Variants in EPHA3 observed in about 807,000 individuals in gnomAD.
EPHA3 encodes ephrin type-A receptor 3.
Under a neutral mutation model 107.1 loss-of-function variants are expected in EPHA3, and 42 were observed. That is an observed-to-expected ratio of 0.39 (90% CI 0.31 to 0.51). EPHA3 has a LOEUF of 0.51. Among genes scored for constraint, EPHA3 ranks in the 20% least tolerant of loss-of-function variants. The pLI is 0.78. For synonymous variants in EPHA3, 461 were observed against 424.8 expected (o/e 1.09, Z -1.05); for missense variants, 1,183 against 1,211.2 (o/e 0.98, Z 0.35).
intron 1 of EPHA3, among the ~76,000 whole-genome samples, chr3:89,109,947 G>A (rs1433086902): frequency 1.3e-5 from 2 of 151,944 alleles, no homozygotes; most frequent in African/African-American, 4.8e-5. Context: ...TAATACTTGA[G>A]TGAGATTTTA....
At chr3:89,280,498 T>G (rs1348329179) in intron 3 of EPHA3, among the ~76,000 whole-genome samples, 1 of 152,172 alleles carries the variant, frequency 6.6e-6, no homozygotes, top group Non-Finnish European at 1.5e-5. Flanking sequence ...ACAAGGGATG[T>G]TTCTATTCTC....
chr3:89,304,753 G>T (rs572465319), intron 3 of EPHA3, among the ~76,000 whole-genome samples: 3 of 152,126 alleles, frequency 2.0e-5, no homozygotes, highest in South Asian at 2.1e-4. Context: ...ATGATAGTTT[G>T]TCTATTTCCT....
chr3:89,415,505 T>A (rs1004817470), intron 10 of EPHA3, among the ~76,000 whole-genome samples: 1 of 140,364 alleles, frequency 7.1e-6, no homozygotes, highest in Non-Finnish European at 1.5e-5. Flanking sequence ...CTAATTCTCT[T>A]AAATTTCTGT....
intron 5 of EPHA3, among the ~76,000 whole-genome samples, chr3:89,346,764 G>A (rs1344933204): frequency 4.3e-4 from 64 of 147,348 alleles, no homozygotes; most frequent in African/African-American, 1.5e-3. Context: ...TAACGTTTAA[G>A]TCTTTAATCC....
chr3:89,358,668 G>T lies in EPHA3; in HGVS notation c.1306+16578G>T, dbSNP rs1331203928. The stretch of plus-strand genomic sequence containing the variant: ...ATGAAGCCCCCCAGTGAAAGAGATT[G>T]GTCTTGAATTCACAGATTATATGAC... On this transcript the variant is annotated intron_variant, in intron 5 of 16. Transcript: ENST00000336596. Among the ~76,000 whole-genome samples the T allele has an allele frequency of 5.3e-5, 8 of 151,004 alleles. No homozygotes were observed. The Admixed American group carries it at 5.3e-4, about 10-fold the overall frequency.
At chr3:89,122,012 C>A (rs964204084) in intron 1 of EPHA3, among the ~76,000 whole-genome samples, 1 of 151,548 alleles carries the variant, frequency 6.6e-6, no homozygotes. Flanking sequence ...TATGTTTGAC[C>A]GGAGAACTAC....
At chr3:89,419,532 C>T in intron 11 of EPHA3, 142 bp downstream of exon 11, 1 of 627,080 alleles carries the variant, frequency 1.6e-6, no homozygotes, top group Non-Finnish European at 2.6e-6. Context: ...AATAGCATGC[C>T]TTTCTTTGAC....
rs745845033 is a variant in EPHA3 at position 89,210,288 on chromosome 3, T to C, written c.582T>C (p.Ser194=). 2 of 1,613,938 alleles carry C rather than the reference T, an allele frequency of 1.2e-6. No individual in the cohort carries two copies. Among genetic ancestry groups the C allele is most frequent in the South Asian group, 1.1e-5 (1 of 91,070 alleles). Residue 194 remains serine, a synonymous_variant, in exon 3 of 17, where the codon TCT becomes TCC. Coordinates refer to ENST00000336596, the MANE Select transcript of EPHA3 (RefSeq NM_005233.6). ...QDVGACVALV[S]VRVYFKKCPF... ...TTGGTGCTTGTGTTGCCTTGGTGTCTGTGAGAGTATACTTCAAAAAGTGCC... is the reference window on the plus strand; with the variant it reads ...TTGGTGCTTGTGTTGCCTTGGTGTCCGTGAGAGTATACTTCAAAAAGTGCC...
chr3:89,333,642 G>A (rs897035086), intron 3 of EPHA3, among the ~76,000 whole-genome samples: 1 of 152,128 alleles, frequency 6.6e-6, no homozygotes, highest in African/African-American at 2.4e-5. Context: ...GGGAGGTTGA[G>A]GCGGGGAGAT....
intron 3 of EPHA3, among the ~76,000 whole-genome samples, chr3:89,254,665 G>T (rs766517776): frequency 2.6e-5 from 4 of 152,074 alleles, no homozygotes; most frequent in Non-Finnish European, 5.9e-5. Context: ...CCTTATAACG[G>T]TTTAACATTT....
At chr3:89,137,680 G>A (rs969695505) in intron 2 of EPHA3, among the ~76,000 whole-genome samples, 5 of 151,858 alleles carry the variant, frequency 3.3e-5, no homozygotes, top group African/African-American at 1.2e-4. Context: ...TATTACCAAA[G>A]TAATGTATGA....
intron 2 of EPHA3, among the ~76,000 whole-genome samples, chr3:89,209,482 T>C (rs1320556121): frequency 6.6e-6 from 1 of 152,180 alleles, no homozygotes; most frequent in Non-Finnish European, 1.5e-5. Context: ...GCATGAATTT[T>C]AGGCAGTATT....
intron 3 of EPHA3, among the ~76,000 whole-genome samples, chr3:89,261,690 A>G (rs1705420513): frequency 6.6e-6 from 1 of 152,104 alleles, no homozygotes; most frequent in Non-Finnish European, 1.5e-5. Context: ...AATTATTTGA[A>G]CCCAAAGTGG....
chr3:89,171,113 T>C (rs1705200357), intron 2 of EPHA3, among the ~76,000 whole-genome samples: 1 of 152,134 alleles, frequency 6.6e-6, no homozygotes. Context: ...TTTTTATGTC[T>C]CAAATTTATC....
intron 13 of EPHA3, among the ~76,000 whole-genome samples, chr3:89,432,088 A>G (rs564157578): frequency 2.7e-4 from 41 of 152,096 alleles, no homozygotes; most frequent in Admixed American, 7.9e-4. Flanking sequence ...GCAAATTATT[A>G]TTATATTTAA....
intron 2 of EPHA3, among the ~76,000 whole-genome samples, chr3:89,199,841 T>C (rs79857503): frequency 2.0e-5 from 3 of 152,338 alleles, no homozygotes; most frequent in South Asian, 2.1e-4. Context: ...CAATGCCTCA[T>C]GTAGCCAAAA....
At position 89,339,781 on chromosome 3, in the gene EPHA3, A is replaced by G. The variant is rs535739550; in HGVS notation, c.815-1135A>G. 3.3e-5 allele frequency among the ~76,000 whole-genome samples: 5 copies of G among 152,318 alleles called. No individual in the cohort carries two copies. The South Asian group carries it at 1.0e-3, about 32-fold the overall frequency. On this transcript the variant is annotated intron_variant, in intron 3 of 16. Transcript: ENST00000336596. ...AAATTCTAGAATGTAATGACCATCT[A>G]TAGGGCCTATTCTGTATATAAGTTC...
At chr3:89,170,574 T>C (rs1311616157) in intron 2 of EPHA3, among the ~76,000 whole-genome samples, 1 of 152,154 alleles carries the variant, frequency 6.6e-6, no homozygotes, top group African/African-American at 2.4e-5. Flanking sequence ...TCTTCTACAC[T>C]TTTCTTCTGA....
intron 8 of EPHA3, 57 bp from the exon 9 acceptor site, chr3:89,408,010 G>C: frequency 6.7e-7 from 1 of 1,492,054 alleles, no homozygotes; most frequent in East Asian, 2.3e-5. Flanking sequence ...TCTGAGCATA[G>C]GTAACTATTT....
Sources: gnomAD v4.1 joint callset for allele counts (sites outside exome capture counted in the v4.1 genomes callset) on GRCh38, gnomAD v4.1.1 for gene constraint, MANE v1.5 for transcripts, NCBI Gene and HGNC (gene_info 2026-07-23, HGNC 2026-07-21) for gene names.